The following MME variants were observed in gnomAD, a reference collection of about 807,000 sequenced individuals.
The protein encoded by MME is neprilysin.
In MME, 98 loss-of-function variants were observed where a neutral mutation model predicts 113.2. The observed-to-expected ratio is 0.87, with a 90% CI of 0.74 to 1.02. MME has a LOEUF of 1.02. Among genes scored for constraint, MME ranks in the 50% least tolerant of loss-of-function variants. The pLI is 0.00. For synonymous variants in MME, 292 were observed against 300.6 expected (o/e 0.97, Z 0.30); for missense variants, 836 against 896.0 (o/e 0.93, Z 0.86).
chr3:155,025,579 G>C (rs1471709843), intron 1 of MME, among the ~76,000 whole-genome samples: 4 of 147,098 alleles, frequency 2.7e-5, no homozygotes, highest in Admixed American at 6.8e-5. Context: ...AGCCGAGATA[G>C]TGCCATTGCA....
intron 1 of MME, among the ~76,000 whole-genome samples, chr3:155,029,371 T>C (rs979308844): frequency 6.6e-6 from 1 of 152,104 alleles, no homozygotes; most frequent in East Asian, 1.9e-4. Flanking sequence ...TTTTAGGTCC[T>C]TTTAGTTTTA....
At position 155,039,871 on chromosome 3, in the gene MME, G is replaced by T. The variant is rs558957187; in HGVS notation, c.-11+15547G>T. Among the ~76,000 whole-genome samples the T allele has an allele frequency of 1.4e-4, 22 of 152,154 alleles. No individual in the cohort carries two copies. In the South Asian group the frequency reaches 4.6e-3, roughly 32 times the overall value. On this transcript the variant is annotated intron_variant, in intron 1 of 22. Coordinates refer to the MME transcript ENST00000492661. ...TTTATGGTACACAACATGATGTTTT[G>T]ATGTGTGTACACATTTTGAAATGAC... is the stretch of plus-strand genomic sequence containing the variant.
chr3:155,107,126 C>T (rs1034610400), intron 3 of MME, among the ~76,000 whole-genome samples: 3 of 152,056 alleles, frequency 2.0e-5, no homozygotes, highest in South Asian at 2.1e-4. Flanking sequence ...GAGACTGAGG[C>T]GGGTGGATCA....
At chr3:155,133,595 C>G (rs891467000) in intron 8 of MME, among the ~76,000 whole-genome samples, 1 of 149,332 alleles carries the variant, frequency 6.7e-6, no homozygotes, top group African/African-American at 2.5e-5. Context: ...CAACAAAAAG[C>G]ATCCCATATA....
chr3:155,092,692 T>C (rs1716394966), intron 3 of MME, among the ~76,000 whole-genome samples: 2 of 152,216 alleles, frequency 1.3e-5, no homozygotes, highest in South Asian at 4.1e-4. Context: ...AAACTACTGT[T>C]ATGTGCAATG....
At position 155,180,570 on chromosome 3, in the gene MME, G is replaced by A; in HGVS notation, c.*111G>A. 1 of 807,942 alleles carries A rather than the reference G, an allele frequency of 1.2e-6. No homozygotes were observed. Among genetic ancestry groups the A allele is most frequent in the Non-Finnish European group, 2.2e-6 (1 of 455,060 alleles). 50.0% of individuals were successfully genotyped at this position (807,942 alleles called of 1,614,324 possible). The stretch of plus-strand genomic sequence containing the variant: ...TAGGGGTCACTGTACTGACTTGAGG[G>A]TGATTAACAGAGAGGGCACCATCAC... On this transcript the variant is annotated 3_prime_UTR_variant, in exon 23 of 23. Transcript: ENST00000360490.
At chr3:155,116,016 C>T (rs931629719) in intron 4 of MME, among the ~76,000 whole-genome samples, 6 of 152,092 alleles carry the variant, frequency 3.9e-5, no homozygotes, top group African/African-American at 1.4e-4. Flanking sequence ...ACAAGTAGGA[C>T]AATTCAATTC....
In MME at chr3:155,162,394, A is replaced by G. The variant is rs565685120; in HGVS notation, c.1660+1946A>G. Among the ~76,000 whole-genome samples, 19 of 152,308 alleles carry G rather than the reference A, an allele frequency of 1.2e-4. No individual in the cohort carries two copies. In the East Asian group the frequency reaches 3.3e-3, roughly 26 times the overall value. On this transcript the variant is annotated intron_variant, in intron 17 of 22. Coordinates refer to ENST00000360490, the MANE Select transcript of MME (RefSeq NM_007289.4). ...ACCAAAGAAGCACACAGAAAAAGGAAAAAGAAGGTAAAAGTGGCCCAATAG... is the reference window on the plus strand; with the variant it reads ...ACCAAAGAAGCACACAGAAAAAGGAGAAAGAAGGTAAAAGTGGCCCAATAG...
chr3:155,142,164 C>T (rs1402094869), intron 11 of MME, 37 bp downstream of exon 11: 1 of 1,613,518 alleles, frequency 6.2e-7, no homozygotes, highest in South Asian at 1.1e-5. Context: ...TCAAAGTTTG[C>T]ATTTCATATC....
intron 3 of MME, among the ~76,000 whole-genome samples, chr3:155,095,952 G>A (rs149991403): frequency 1.3e-5 from 2 of 152,268 alleles, no homozygotes; most frequent in East Asian, 1.9e-4. Context: ...GAAAGCAGTC[G>A]CACTTCACCA....
intron 7 of MME, among the ~76,000 whole-genome samples, chr3:155,118,506 C>T (rs1421662899): frequency 6.6e-6 from 1 of 152,158 alleles, no homozygotes; most frequent in African/African-American, 2.4e-5. Flanking sequence ...TGTTCACTTT[C>T]TTTTGTTTTC....
intron 12 of MME, 65 bp from the exon 13 acceptor site, chr3:155,143,378 G>T: frequency 6.3e-7 from 1 of 1,577,396 alleles, no homozygotes; most frequent in Non-Finnish European, 8.7e-7. Context: ...TGTGAAATGT[G>T]TGCTCTTAAC....
At chr3:155,125,361 C>T (rs1050067736) in intron 8 of MME, among the ~76,000 whole-genome samples, 7 of 141,932 alleles carry the variant, frequency 4.9e-5, no homozygotes, top group African/African-American at 1.5e-4. Context: ...GATGGAAATG[C>T]GGAAATCACC....
At chr3:155,072,138 G>T (rs972774931) in intron 1 of MME, among the ~76,000 whole-genome samples, 2 of 140,778 alleles carry the variant, frequency 1.4e-5, no homozygotes, top group Non-Finnish European at 3.0e-5. Flanking sequence ...TCCGCAGTCC[G>T]GCCTGGGCGA....
At chr3:155,074,423 T>C (rs886969084) in intron 1 of MME, among the ~76,000 whole-genome samples, 1 of 151,934 alleles carries the variant, frequency 6.6e-6, no homozygotes, top group Non-Finnish European at 1.5e-5. Flanking sequence ...TGTGTGTGTG[T>C]TTCCTTTCTT....
intron 3 of MME, among the ~76,000 whole-genome samples, chr3:155,092,348 C>T (rs532743946): frequency 2.6e-5 from 4 of 152,296 alleles, no homozygotes; most frequent in South Asian, 4.1e-4. Flanking sequence ...AGTGAGGATG[C>T]GGAGAAACTG....
At chr3:155,167,739 T>C (rs1711508322) in intron 18 of MME, among the ~76,000 whole-genome samples, 1 of 152,170 alleles carries the variant, frequency 6.6e-6, no homozygotes, top group Non-Finnish European at 1.5e-5. Flanking sequence ...TAAGTGTCTA[T>C]TAACTCAAAC....
intron 17 of MME, among the ~76,000 whole-genome samples, chr3:155,164,181 C>G (rs1265727794): frequency 1.3e-5 from 2 of 151,184 alleles, no homozygotes; most frequent in Non-Finnish European, 2.9e-5. Flanking sequence ...TTATTTTCCA[C>G]CAAAAAAATT....
intron 16 of MME, chr3:155,158,821 A>C (rs1722498563): frequency 6.6e-6 from 1 of 151,978 alleles, no homozygotes; most frequent in African/African-American, 2.4e-5. Context: ...AAATACTAAA[A>C]TACTGATGAC....
Sources: gnomAD v4.1 joint callset for allele counts (sites outside exome capture counted in the v4.1 genomes callset) on GRCh38, gnomAD v4.1.1 for gene constraint, MANE v1.5 for transcripts, NCBI Gene and HGNC (gene_info 2026-07-23, HGNC 2026-07-21) for gene names.